The following TSHZ2 variants were observed in gnomAD, a reference collection of about 807,000 sequenced individuals.
TSHZ2 encodes the protein teashirt homolog 2.
A neutral mutation model predicts 74.4 loss-of-function variants in TSHZ2; 21 were observed. The ratio of observed to expected loss-of-function variants is 0.28; its 90% CI spans 0.20 to 0.41. The LOEUF (loss-of-function observed/expected upper bound fraction) is 0.41. Ranked by LOEUF, TSHZ2 falls within the 10% of genes least tolerant of loss-of-function variation. The pLI is 1.00. For synonymous variants in TSHZ2, 540 were observed against 515.3 expected (o/e 1.05, Z -0.65); for missense variants, 1,244 against 1,293.5 (o/e 0.96, Z 0.59).
At chr20:53,165,210 A>G (rs1317861372) in intron 1 of TSHZ2, among the ~76,000 whole-genome samples, 2 of 152,216 alleles carry the variant, frequency 1.3e-5, no homozygotes, top group Non-Finnish European at 2.9e-5. Flanking sequence ...TTTGGACGCA[A>G]GGTTTTACCT....
At chr20:53,261,426 C>T (rs186217441) in intron 2 of TSHZ2, among the ~76,000 whole-genome samples, 157 of 152,192 alleles carry the variant, frequency 1.0e-3, no homozygotes, top group African/African-American at 3.5e-3. Context: ...ATACATACAC[C>T]TAATATTAAA....
chr20:53,192,269 C>A lies in TSHZ2; in HGVS notation c.41-61230C>A, dbSNP rs1353666765. The stretch of plus-strand genomic sequence containing the variant: ...ACATAATGGACAATTTTGAGATCCA[C>A]GCTGTTCTAACCCTTCTCTGGCTAA... On this transcript the variant is annotated intron_variant, in intron 1 of 2. Transcript: ENST00000371497. Among the ~76,000 whole-genome samples the A allele has an allele frequency of 2.0e-5, 3 of 148,830 alleles. No individual in the cohort carries two copies. The East Asian group carries it at 5.9e-4, about 29-fold the overall frequency.
At chr20:53,050,101 G>GTATATATATATATATA (rs1213487235) in intron 1 of TSHZ2, among the ~76,000 whole-genome samples, 2 of 60,460 alleles carry the variant, frequency 3.3e-5, no homozygotes, top group African/African-American at 2.9e-4. Flanking sequence ...ATGTATATGT[G>GTATATATATATATATA]TGTATATATA....
intron 1 of TSHZ2, among the ~76,000 whole-genome samples, chr20:53,134,602 C>T (rs1222557003): frequency 2.6e-5 from 4 of 152,176 alleles, no homozygotes; most frequent in Non-Finnish European, 4.4e-5. Context: ...CTATGTATTA[C>T]GCAGCAACTT....
intron 2 of TSHZ2, among the ~76,000 whole-genome samples, chr20:53,413,866 ATAATAT>A (rs1161156019): frequency 3.3e-5 from 5 of 152,352 alleles, no homozygotes; most frequent in Non-Finnish European, 5.9e-5. Flanking sequence ...GTTCTTAAAA[ATAATAT>A]TAATATAGCC....
chr20:53,176,584 T>TAA (rs1988343115), intron 1 of TSHZ2, among the ~76,000 whole-genome samples: 1 of 152,170 alleles, frequency 6.6e-6, no homozygotes, highest in African/African-American at 2.4e-5. Context: ...ACTCCCTAAT[T>TAA]ATTTCACAGG....
intron 1 of TSHZ2, among the ~76,000 whole-genome samples, chr20:53,031,652 T>A (rs1451383553): frequency 6.6e-6 from 1 of 152,196 alleles, no homozygotes; most frequent in Non-Finnish European, 1.5e-5. Flanking sequence ...AGCTTCACTC[T>A]GTAGTGGGAG....
intron 2 of TSHZ2, among the ~76,000 whole-genome samples, chr20:53,485,291 A>G (rs946695034): frequency 1.3e-5 from 2 of 152,228 alleles, no homozygotes; most frequent in Admixed American, 6.5e-5. Flanking sequence ...TCGTAGTATC[A>G]TAAACTATTA....
intron 1 of TSHZ2, among the ~76,000 whole-genome samples, chr20:53,182,181 CCTTT>C (rs1988491651): frequency 1.5e-5 from 2 of 136,402 alleles, no homozygotes; most frequent in Non-Finnish European, 3.2e-5. Context: ...TTTCTTCCTT[CCTTT>C]TCTTTCTTTC....
intron 1 of TSHZ2, among the ~76,000 whole-genome samples, chr20:53,006,335 G>C (rs1982644261): frequency 6.6e-6 from 1 of 152,218 alleles, no homozygotes; most frequent in Admixed American, 6.5e-5. Flanking sequence ...TGCCTGAAAA[G>C]AGACTGAGAA....
rs1991458489 is a variant in TSHZ2, at chr20:53,300,446, G to A, written c.*8+43875G>A. 2.6e-5 allele frequency among the ~76,000 whole-genome samples: 4 copies of A among 152,262 alleles called. No homozygotes were observed. In the South Asian group the frequency reaches 8.3e-4, roughly 32 times the overall value. ...TAGTTGCTCAAACTTCTTGAGAAAG[G>A]CAATTTCTGATGTTCCCCTGGAAGA... On this transcript the variant is annotated intron_variant, in intron 2 of 2. Coordinates refer to ENST00000371497, the MANE Select transcript of TSHZ2 (RefSeq NM_173485.6).
intron 2 of TSHZ2, among the ~76,000 whole-genome samples, chr20:53,454,602 G>T (rs1984973678): frequency 6.6e-6 from 1 of 151,666 alleles, no homozygotes; most frequent in Admixed American, 6.6e-5. Flanking sequence ...TGTTAAATGT[G>T]TTAATGTGGC....
At chr20:53,322,836 C>A (rs557894211) in intron 2 of TSHZ2, among the ~76,000 whole-genome samples, 2 of 152,332 alleles carry the variant, frequency 1.3e-5, no homozygotes, top group South Asian at 4.1e-4. Context: ...ATCATGACTG[C>A]CTCCTGCCCA....
intron 1 of TSHZ2, among the ~76,000 whole-genome samples, chr20:53,088,954 T>C (rs190056595): frequency 6.6e-6 from 1 of 152,252 alleles, no homozygotes; most frequent in East Asian, 1.9e-4. Context: ...TTCTGCATTC[T>C]TCGGCTGGCT....
At chr20:53,069,125 C>G (rs1285689384) in intron 1 of TSHZ2, among the ~76,000 whole-genome samples, 1 of 152,170 alleles carries the variant, frequency 6.6e-6, no homozygotes, top group Non-Finnish European at 1.5e-5. Context: ...TGGAATAATG[C>G]ATTAATCCTC....
In TSHZ2 at chr20:53,254,275, A is replaced by G. The variant is rs1376827543; in HGVS notation, c.817A>G (p.Lys273Glu). Residue 273 changes from lysine (K) to glutamate (E), a missense_variant, in exon 2 of 3, where the codon AAG becomes GAG. By Grantham distance (56) the Lys-to-Glu change is moderately conservative. Around this residue, in one of 6 missense-constraint regions of TSHZ2, gnomAD observed 470 missense variants for 456.5 expected, o/e 1.03. Coordinates refer to ENST00000371497, the MANE Select transcript of TSHZ2 (RefSeq NM_173485.6). ...GGATATGGACAAAGAGGATGCTCAA[A>G]AGGTTCTGAAATGTATGTTTTGTGG... ...FQDMDKEDAQ[K>E]VLKCMFCGDS... 2 of 1,614,128 alleles carry G rather than the reference A, an allele frequency of 1.2e-6. No homozygotes were observed. Among genetic ancestry groups the G allele is most frequent in the Non-Finnish European group, 1.7e-6 (2 of 1,180,022 alleles).
chr20:53,050,914 C>A (rs976386391), intron 1 of TSHZ2, among the ~76,000 whole-genome samples: 5 of 152,288 alleles, frequency 3.3e-5, no homozygotes, highest in East Asian at 3.9e-4. Context: ...TTGATTCTGG[C>A]AAAATAGATA....
intron 1 of TSHZ2, among the ~76,000 whole-genome samples, chr20:53,237,707 A>G (rs1330596346): frequency 6.6e-6 from 1 of 152,136 alleles, no homozygotes; most frequent in Non-Finnish European, 1.5e-5. Flanking sequence ...TCATGTTATT[A>G]TATATTTAGA....
At chr20:52,983,932 C>T (rs1223407630) in intron 1 of TSHZ2, among the ~76,000 whole-genome samples, 3 of 152,246 alleles carry the variant, frequency 2.0e-5, no homozygotes, top group African/African-American at 7.2e-5. Context: ...CGCTCATCCC[C>T]TCAGGCCCCA....
Sources: gnomAD v4.1 joint callset for allele counts (sites outside exome capture counted in the v4.1 genomes callset) on GRCh38, gnomAD v4.1.1 for gene constraint, gnomAD v4.1.1 regional missense constraint, MANE v1.5 for transcripts, NCBI Gene and HGNC (gene_info 2026-07-23, HGNC 2026-07-21) for gene names.